Variants in CLCA1 observed in about 807,000 individuals in gnomAD.
CLCA1 encodes the protein chloride channel accessory 1.
In CLCA1, 59 loss-of-function variants were observed where a neutral mutation model predicts 85.6. That is an observed-to-expected ratio of 0.69 (90% CI 0.56 to 0.86). CLCA1 has a LOEUF of 0.86. Among genes scored for constraint, CLCA1 ranks in the 40% least tolerant of loss-of-function variants. The pLI, the probability that CLCA1 is intolerant of heterozygous loss-of-function variation, is 0.00. For missense variants in CLCA1, 1,022 were observed against 1,101.4 expected (o/e 0.93, Z 1.02); for synonymous variants, 396 against 398.3 (o/e 0.99, Z 0.07).
chr1:86,486,747 A>G lies in CLCA1; in HGVS notation c.1176A>G (p.Ala392=). 1 of 1,613,808 alleles carries G rather than the reference A, an allele frequency of 6.2e-7. No individual in the cohort carries two copies. Among genetic ancestry groups the G allele is most frequent in the African/African-American group, 1.3e-5 (1 of 75,040 alleles). The change falls in exon 7 of 14, where the codon GCA becomes GCG. Residue 392 remains alanine (A), a synonymous_variant. Coordinates refer to ENST00000394711, the MANE Select transcript of CLCA1 (RefSeq NM_001285.4). The part of the protein sequence containing the change: ...GTSICSGLRS[A]FTVIRKKYPT... ...CCATCTGCAGCGGGCTTCGATCGGC[A>G]TTTACTGTGAGATGTGTTTTTCTAT...
chr1:86,471,096 C>T (rs192682610), intron 1 of CLCA1, among the ~76,000 whole-genome samples: 45 of 152,260 alleles, frequency 3.0e-4, no homozygotes, highest in Admixed American at 1.3e-3. Flanking sequence ...CGCACAAGCT[C>T]GTGTGCACAC....
At chr1:86,475,153 C>G (rs776300157) in intron 3 of CLCA1, among the ~76,000 whole-genome samples, 16 of 152,146 alleles carry the variant, frequency 1.1e-4, no homozygotes, top group Non-Finnish European at 2.1e-4. Flanking sequence ...CACTCCTGAG[C>G]CCACTCCAGC....
rs75166885 is a variant in CLCA1, at chr1:86,494,331, G to A, written c.1825G>A (p.Val609Ile). 2.2e-3 allele frequency: 3,558 copies of A among 1,614,130 alleles called. 77 individuals are homozygous for A. The African/African-American group carries it at 0.043, about 19-fold the overall frequency. The change falls in exon 11 of 14, where the codon GTA becomes ATA. Residue 609 changes from valine (V) to isoleucine (I), a missense_variant. Val to Ile is a conservative substitution (Grantham distance 29). Coordinates refer to ENST00000394711, the MANE Select transcript of CLCA1 (RefSeq NM_001285.4). ...KDTSKFPSPL[V>I]VYANIRQGAS... is the part of the protein sequence containing the mutation. ...CACCAGCAAATTCCCCAGCCCTCTG[G>A]TAGTTTATGCAAATATTCGCCAAGG... is the stretch of plus-strand genomic sequence containing the variant.
Position 86,490,104 on chromosome 1 carries a change from C to G in CLCA1, c.1357+934C>G, listed in dbSNP as rs530190529. Among the ~76,000 whole-genome samples the G allele has an allele frequency of 5.3e-5, 8 of 152,314 alleles. No homozygotes were observed. The South Asian group carries it at 1.0e-3, about 20-fold the overall frequency. On this transcript the variant is annotated intron_variant, in intron 8 of 13. Transcript: ENST00000394711. ...ATCACAGACTTGTCTCACCTTGAGA[C>G]AGGAGGGTGGCCTTTTGCACCATTG... is the stretch of plus-strand genomic sequence containing the variant.
At chr1:86,470,045 G>C (rs1647458571) in intron 1 of CLCA1, among the ~76,000 whole-genome samples, 1 of 152,182 alleles carries the variant, frequency 6.6e-6, no homozygotes, top group South Asian at 2.1e-4. Context: ...TGCATGCATA[G>C]TGCCTGGTAC....
intron 11 of CLCA1, among the ~76,000 whole-genome samples, 159 bp from the exon 12 acceptor site, chr1:86,495,346 A>G (rs558348768): frequency 5.3e-5 from 8 of 152,340 alleles, no homozygotes; most frequent in African/African-American, 1.9e-4. Context: ...CAGTGATAAA[A>G]GAAGTAAGCC....
At position 86,473,565 on chromosome 1, in the gene CLCA1, T is replaced by C. The variant is rs768549451; in HGVS notation, c.303+8T>C. 6.4e-6 allele frequency: 10 copies of C among 1,571,308 alleles called. No individual in the cohort carries two copies. In the African/African-American group the frequency reaches 1.1e-4, roughly 17 times the overall value. ...CTTGAGACCTACAAAAATGTGAGAA[T>C]ATCAAGTTCTTCTTTAAAATTCCAC... On this transcript the variant is annotated splice_region_variant and intron_variant, in intron 2 of 13. Transcript: ENST00000394711.
At chr1:86,491,173 T>C in intron 8 of CLCA1, 92 bp from the exon 9 acceptor site, 1 of 784,794 alleles carries the variant, frequency 1.3e-6, no homozygotes, top group Non-Finnish European at 2.1e-6. Flanking sequence ...CACAAAGGGA[T>C]ATTTATATTG....
intron 12 of CLCA1, among the ~76,000 whole-genome samples, chr1:86,498,210 A>AAGGAAGGAAGGAAG (rs1553188785): frequency 8.5e-6 from 1 of 117,676 alleles, no homozygotes; most frequent in Non-Finnish European, 1.9e-5. Flanking sequence ...AAGGAAGGAA[A>AAGGAAGGAAGGAAG]AAACAGATGT....
intron 5 of CLCA1, among the ~76,000 whole-genome samples, chr1:86,484,551 AGTAAGAG>A (rs1228833996): frequency 1.2e-4 from 19 of 152,300 alleles, no homozygotes; most frequent in African/African-American, 4.3e-4. Context: ...AAAGCAGAGG[AGTAAGAG>A]GAAAGACTCT....
intron 1 of CLCA1, among the ~76,000 whole-genome samples, chr1:86,472,808 A>G (rs891715505): frequency 8.5e-5 from 13 of 152,386 alleles, no homozygotes; most frequent in African/African-American, 2.9e-4. Context: ...AAATAATACC[A>G]CAACATTTAG....
rs1647941744 is a variant in CLCA1, at chr1:86,485,581, G to A, written c.954+20G>A. ...ATGGCGGTATGTTCAATGAGTCTTG[G>A]TCTTCTGGATGCTGGTCACAGATAT... On this transcript the variant is annotated intron_variant, in intron 6 of 13. Coordinates refer to ENST00000394711, the MANE Select transcript of CLCA1 (RefSeq NM_001285.4). 1.9e-6 allele frequency: 3 copies of A among 1,607,788 alleles called. No individual in the cohort carries two copies. Among genetic ancestry groups the A allele is most frequent in the Non-Finnish European group, 2.6e-6 (3 of 1,174,220 alleles).
chr1:86,473,318 C>A, intron 1 of CLCA1, 99 bp from the exon 2 acceptor site: 2 of 825,454 alleles, frequency 2.4e-6, no homozygotes, highest in Non-Finnish European at 3.8e-6. Flanking sequence ...TAACAAATAA[C>A]AAGTTTTTGA....
chr1:86,498,153 A>AG (rs1399267945), intron 12 of CLCA1, among the ~76,000 whole-genome samples: 8 of 129,702 alleles, frequency 6.2e-5, no homozygotes, highest in South Asian at 2.7e-4. Context: ...ACAAAAACAA[A>AG]GAAAGGAAGG....
At position 86,489,053 on chromosome 1, in the gene CLCA1, G is replaced by C; in HGVS notation, c.1240G>C (p.Glu414Gln). 6.2e-7 allele frequency: 1 copy of C among 1,614,128 alleles called. No individual in the cohort carries two copies. Among genetic ancestry groups the C allele is most frequent in the Non-Finnish European group, 8.5e-7 (1 of 1,179,986 alleles). ...TGAAATTGTGCTGCTGACGGATGGGGAAGACAACACTATAAGTGGGTGCTT... is the reference window on the plus strand; with the variant it reads ...TGAAATTGTGCTGCTGACGGATGGGCAAGACAACACTATAAGTGGGTGCTT... ...GSEIVLLTDGEDNTISGCFNE... is the reference protein window; with the variant it reads ...GSEIVLLTDGQDNTISGCFNE... Residue 414 changes from glutamate to glutamine, a missense_variant, in exon 8 of 14, where the codon GAA (glutamate) becomes CAA (glutamine). Physicochemically the swap from Glu to Gln is conservative, Grantham distance 29. Coordinates refer to ENST00000394711, the MANE Select transcript of CLCA1 (RefSeq NM_001285.4).
At position 86,498,731 on chromosome 1, in the gene CLCA1, A is replaced by G; in HGVS notation, c.2273A>G (p.Asp758Gly). The G allele has an allele frequency of 1.2e-6, 2 of 1,614,084 alleles. No homozygotes were observed. The highest frequency in any genetic ancestry group is 1.7e-6 in the Non-Finnish European group (2 of 1,180,012). ...PDLFPPGQIT[D>G]LKAEIHGGSL... ...CTCTTCCCACCTGGCCAAATCACCG[A>G]CCTGAAGGCGGAAATTCACGGGGGC... is the stretch of plus-strand genomic sequence containing the variant. Residue 758 changes from aspartate (D) to glycine (G), a missense_variant, in exon 13 of 14, where the codon GAC (aspartate) becomes GGC (glycine). Transcript: ENST00000394711.
intron 3 of CLCA1, 98 bp downstream of exon 3, chr1:86,473,974 CCAAA>C (rs889541040): frequency 4.2e-5 from 34 of 802,350 alleles, no homozygotes; most frequent in African/African-American, 1.4e-4. Context: ...CATGTATAAG[CCAAA>C]CAATTAGAGA....
At chr1:86,478,429 C>T (rs567084607) in intron 4 of CLCA1, among the ~76,000 whole-genome samples, 3 of 151,086 alleles carry the variant, frequency 2.0e-5, no homozygotes, top group Non-Finnish European at 1.5e-5. Flanking sequence ...TCCATCCCCC[C>T]GAAAAAAAAA....
chr1:86,495,745 G>A (rs2101747954), intron 12 of CLCA1, 70 bp downstream of exon 12: 3 of 1,403,266 alleles, frequency 2.1e-6, no homozygotes, highest in Non-Finnish European at 2.9e-6. Flanking sequence ...TATTAAGCCT[G>A]TGGGGCAGAA....
Sources: gnomAD v4.1 joint callset for allele counts (sites outside exome capture counted in the v4.1 genomes callset) on GRCh38, gnomAD v4.1.1 for gene constraint, MANE v1.5 for transcripts, NCBI Gene and HGNC (gene_info 2026-07-23, HGNC 2026-07-21) for gene names.